MPP7: variants seen among roughly 807,000 people sequenced by gnomAD.
MPP7 encodes the protein MAGUK p55 subfamily member 7.
MPP7 carries 60 observed loss-of-function variants against 76.5 expected under a neutral mutation model. That is an observed-to-expected ratio of 0.78 (90% CI 0.64 to 0.97). MPP7 has a LOEUF of 0.97. Ranked by LOEUF, MPP7 falls within the 50% of genes least tolerant of loss-of-function variation. MPP7 has a pLI of 0.00. For missense variants in MPP7, 641 were observed against 694.0 expected (o/e 0.92, Z 0.86); for synonymous variants, 237 against 244.5 (o/e 0.97, Z 0.29).
At chr10:28,134,960 G>A (rs1197955031) in intron 5 of MPP7, among the ~76,000 whole-genome samples, 19 of 151,962 alleles carry the variant, frequency 1.3e-4, no homozygotes, top group Admixed American at 1.1e-3. Context: ...TAAAGATGAG[G>A]ACCAAGATGA....
rs1417471988 is a variant in MPP7, at chr10:28,052,113, T to A, written c.*1952A>T. On this transcript the variant is annotated 3_prime_UTR_variant, in exon 17 of 17. Transcript: ENST00000683449. ...TCCCCAAAGTAAATAACTGAAGCAA[T>A]TATCTGCAATTTTTTTAAAATGTGG... The A allele has an allele frequency of 6.6e-6, 1 of 152,162 alleles. No individual in the cohort carries two copies. Among genetic ancestry groups the A allele is most frequent in the African/African-American group, 2.4e-5 (1 of 41,442 alleles). 9.4% of individuals were successfully genotyped at this position (152,162 alleles called of 1,614,324 possible). A position where few individuals can be genotyped will look rare whatever the true frequency, so the allele number is the denominator to read the frequency against.
intron 12 of MPP7, among the ~76,000 whole-genome samples, chr10:28,083,307 A>G (rs1220140279): frequency 6.6e-6 from 1 of 152,140 alleles, no homozygotes; most frequent in Non-Finnish European, 1.5e-5. Context: ...AGTTACATAA[A>G]ACCGCCTTGG....
chr10:28,161,098 T>C (rs958815122), intron 3 of MPP7, among the ~76,000 whole-genome samples: 10 of 152,214 alleles, frequency 6.6e-5, no homozygotes, highest in African/African-American at 2.4e-4. Context: ...AGCTCTGGCA[T>C]TGGCCCAGTG....
At chr10:28,091,504 T>A (rs1440890276) in intron 11 of MPP7, among the ~76,000 whole-genome samples, 1 of 152,104 alleles carries the variant, frequency 6.6e-6, no homozygotes, top group Admixed American at 6.5e-5. Flanking sequence ...GCCAGGCTCA[T>A]CTCAAACTTC....
chr10:28,088,751 G>A (rs1175457498), intron 12 of MPP7, among the ~76,000 whole-genome samples: 2 of 152,172 alleles, frequency 1.3e-5, no homozygotes, highest in Non-Finnish European at 2.9e-5. Flanking sequence ...AATGCATTGA[G>A]GATGAAGTGA....
chr10:28,290,125 T>C (rs1046235530), intron 1 of MPP7, among the ~76,000 whole-genome samples: 1 of 152,102 alleles, frequency 6.6e-6, no homozygotes, highest in Non-Finnish European at 1.5e-5. Context: ...AGCCAAACCA[T>C]TGATTTCTAA....
intron 1 of MPP7, among the ~76,000 whole-genome samples, chr10:28,264,573 C>T (rs920224196): frequency 1.5e-5 from 2 of 135,618 alleles, no homozygotes; most frequent in Admixed American, 7.5e-5. Flanking sequence ...CCTCAGGGAG[C>T]TTTTTTTTTT....
intron 3 of MPP7, among the ~76,000 whole-genome samples, chr10:28,199,796 G>A (rs1002358787): frequency 6.6e-6 from 1 of 151,690 alleles, no homozygotes; most frequent in South Asian, 2.1e-4. Context: ...TTTTGAGAGA[G>A]AGGGTCTTGC....
intron 3 of MPP7, among the ~76,000 whole-genome samples, chr10:28,169,373 C>T (rs1176940127): frequency 6.6e-6 from 1 of 151,768 alleles, no homozygotes; most frequent in Admixed American, 6.6e-5. Flanking sequence ...CTAATTAAAA[C>T]AAAGGTTGAT....
chr10:28,112,022 T>C (rs1834521125), intron 11 of MPP7, among the ~76,000 whole-genome samples: 1 of 152,204 alleles, frequency 6.6e-6, no homozygotes, highest in Non-Finnish European at 1.5e-5. Context: ...CAAATACCTA[T>C]GGATCCTTAA....
chr10:28,231,570 A>C lies in MPP7; in HGVS notation c.37+6998T>G, dbSNP rs200062864. On this transcript the variant is annotated intron_variant, in intron 2 of 16. Coordinates refer to ENST00000683449, the MANE Select transcript of MPP7 (RefSeq NM_001318170.2). ...ACCAAAAAAAAAAAAGCATCAATGT[A>C]GAAACTACAGGTACGAAGTAATAAT... is the stretch of plus-strand genomic sequence containing the variant. Among the ~76,000 whole-genome samples the C allele has an allele frequency of 2.6e-5, 4 of 151,880 alleles. No individual in the cohort carries two copies. The East Asian group carries it at 7.7e-4, about 29-fold the overall frequency.
chr10:28,320,154 T>C (rs973225101), intron 2 of MPP7, among the ~76,000 whole-genome samples: 2 of 151,938 alleles, frequency 1.3e-5, no homozygotes, highest in Admixed American at 6.6e-5. Flanking sequence ...TCAACAGGAA[T>C]TGAAGAAAAG....
chr10:28,054,319 A>G lies in MPP7; in HGVS notation c.1552-75T>C, dbSNP rs1218457669. 18 of 865,616 alleles carry G rather than the reference A, an allele frequency of 2.1e-5. No homozygotes were observed. In the East Asian group the frequency reaches 4.2e-4, roughly 20 times the overall value. The allele number at this position is 865,616 out of a possible 1,614,324, so 53.6% of individuals were successfully genotyped here. A position where few individuals can be genotyped will look rare whatever the true frequency, so the allele number is the denominator to read the frequency against. On this transcript the variant is annotated intron_variant, in intron 16 of 16. Coordinates refer to ENST00000683449, the MANE Select transcript of MPP7 (RefSeq NM_001318170.2). ...CACTTCATATCAATGCAAACATTCT[A>G]CAATTGGTTTACCTAATGCTGTTCT... is the stretch of plus-strand genomic sequence containing the variant.
At chr10:28,173,094 G>A (rs908724842) in intron 3 of MPP7, among the ~76,000 whole-genome samples, 1 of 151,994 alleles carries the variant, frequency 6.6e-6, no homozygotes, top group African/African-American at 2.4e-5. Flanking sequence ...AACAACAGTG[G>A]CAAAACATGC....
intron 2 of MPP7, among the ~76,000 whole-genome samples, chr10:28,220,607 C>T (rs568216884): frequency 6.6e-6 from 1 of 152,254 alleles, no homozygotes; most frequent in Admixed American, 6.5e-5. Context: ...CTGTAGCCAG[C>T]ATTCATTGTA....
chr10:28,253,382 C>T (rs984639117), intron 1 of MPP7, among the ~76,000 whole-genome samples: 2 of 151,930 alleles, frequency 1.3e-5, no homozygotes, highest in African/African-American at 4.8e-5. Flanking sequence ...AGTAGTGAGC[C>T]CGACAAATGT....
At chr10:28,192,676 T>C (rs1245384273) in intron 3 of MPP7, among the ~76,000 whole-genome samples, 1 of 152,168 alleles carries the variant, frequency 6.6e-6, no homozygotes, top group African/African-American at 2.4e-5. Context: ...GAATACACAA[T>C]ATTACTAAGA....
chr10:28,325,880 G>A (rs1241674028), intron 2 of MPP7, among the ~76,000 whole-genome samples: 1 of 151,264 alleles, frequency 6.6e-6, no homozygotes, highest in Admixed American at 6.6e-5. Context: ...GGAGCCTGAA[G>A]TGGGAGGATA....
At chr10:28,275,554 G>C (rs750199772) in intron 1 of MPP7, among the ~76,000 whole-genome samples, 1 of 151,318 alleles carries the variant, frequency 6.6e-6, no homozygotes, top group Non-Finnish European at 1.5e-5. Flanking sequence ...TTACAGGCAC[G>C]CACCACCACG....
Sources: allele counts gnomAD v4.1 joint callset (sites outside exome capture counted in the v4.1 genomes callset), GRCh38; gene constraint gnomAD v4.1.1; transcripts MANE v1.5; gene names NCBI Gene and HGNC (gene_info 2026-07-23, HGNC 2026-07-21).